The following ATRX variants were observed in gnomAD, a reference collection of about 807,000 sequenced individuals.
ATRX encodes ATRX chromatin remodeler.
Under a neutral mutation model 172.6 loss-of-function variants are expected in ATRX, and 12 were observed. That is an observed-to-expected ratio of 0.07 (90% CI 0.04 to 0.11). The LOEUF (loss-of-function observed/expected upper bound fraction) is 0.11, where lower values mean the gene tolerates loss of function less well. Among genes scored for constraint, ATRX ranks in the 10% least tolerant of loss-of-function variants. The pLI is 1.00. For missense variants in ATRX, 1,368 were observed against 1,767.4 expected, an observed-to-expected ratio of 0.77 and a Z score of 4.05; for synonymous variants, 674 against 594.7, an observed-to-expected ratio of 1.13 and a Z score of -1.94.
intron 1 of ATRX, among the ~76,000 whole-genome samples, chrX:77,774,396 G>A (rs1012023623): frequency 9.0e-6 from 1 of 111,375 alleles, no homozygotes. Context: ...GTATTGTATC[G>A]GCCGGGTGCA....
At chrX:77,521,602 CT>C (rs2063234684) in intron 32 of ATRX, 104 bp from the exon 33 acceptor site, 1 of 581,274 alleles carries the variant, frequency 1.7e-6, no homozygotes, top group Admixed American at 2.7e-5. Flanking sequence ...GGTTTTAAAA[CT>C]CTTTAAATAA....
chrX:77,669,841 G>C (rs2070459476), intron 10 of ATRX, among the ~76,000 whole-genome samples: 1 of 109,866 alleles, frequency 9.1e-6, no homozygotes, highest in African/African-American at 3.3e-5. Flanking sequence ...TGGAACTACA[G>C]GCATGTACCA....
chrX:77,564,443 T>A (rs1244110038), intron 28 of ATRX, among the ~76,000 whole-genome samples: 1 of 110,729 alleles, frequency 9.0e-6, no homozygotes, highest in African/African-American at 3.3e-5. Context: ...TGGAGTGCAA[T>A]GGCATGATCA....
chrX:77,643,286 A>ACAC, intron 15 of ATRX, among the ~76,000 whole-genome samples: 1 of 110,096 alleles, frequency 9.1e-6, no homozygotes, highest in Admixed American at 9.8e-5. Flanking sequence ...CACACACACA[A>ACAC]AACAACTGCA....
intron 11 of ATRX, among the ~76,000 whole-genome samples, chrX:77,664,026 G>A (rs893198167): frequency 1.5e-4 from 16 of 108,364 alleles, no homozygotes; most frequent in African/African-American, 5.0e-4. Flanking sequence ...GCTTGAACCC[G>A]GGAGGCAGAG....
chrX:77,635,112 T>A (rs2068284560), intron 16 of ATRX, among the ~76,000 whole-genome samples: 1 of 110,839 alleles, frequency 9.0e-6, no homozygotes, highest in East Asian at 2.8e-4. Context: ...TGAAACCCCG[T>A]CTCTACTAAA....
intron 27 of ATRX, among the ~76,000 whole-genome samples, chrX:77,583,695 A>G (rs992618689): frequency 1.7e-4 from 19 of 111,989 alleles, no homozygotes; most frequent in African/African-American, 6.2e-4. Context: ...TATCATACTA[A>G]AGAAAGAAAA....
chrX:77,671,766 CTTTTTCTTT>C (rs1348439151), intron 10 of ATRX, among the ~76,000 whole-genome samples: 1 of 110,931 alleles, frequency 9.0e-6, no homozygotes, highest in Non-Finnish European at 1.9e-5. Flanking sequence ...TCCTTTTTCT[CTTTTTCTTT>C]TTTTTCTTTT....
chrX:77,694,901 T>TG (rs45459992), intron 5 of ATRX, among the ~76,000 whole-genome samples: 993 of 27,758 alleles, frequency 0.036, 15 homozygotes, highest in South Asian at 0.14. Flanking sequence ...TCTGAAAGGG[T>TG]GGGGGGGGGG....
In ATRX at chrX:77,701,442, G is replaced by A. The variant is rs376823915; in HGVS notation, c.134-2813C>T. Among the ~76,000 whole-genome samples, 33 of 109,804 alleles carry A rather than the reference G, an allele frequency of 3.0e-4. 1 individual carries two copies. The East Asian group carries it at 3.7e-3, about 12-fold the overall frequency. On this transcript the variant is annotated intron_variant, in intron 2 of 34. Coordinates refer to ENST00000373344, the MANE Select transcript of ATRX (RefSeq NM_000489.6). ...CAGGAAAATCACTTGAATCCAGGAG[G>A]TGGAGGCTGCAGTGAGCCGAGATTG...
intron 1 of ATRX, among the ~76,000 whole-genome samples, chrX:77,740,028 G>A (rs1441773750): frequency 9.7e-5 from 9 of 93,073 alleles, no homozygotes; most frequent in African/African-American, 3.2e-4. Context: ...ACTCCAGCCT[G>A]GGGAAGAAGC....
chrX:77,684,157 T>G lies in ATRX; in HGVS notation c.1099A>C (p.Asn367His). 1 of 1,208,918 alleles carries G rather than the reference T, an allele frequency of 8.3e-7. No homozygotes were observed. The highest frequency in any genetic ancestry group is 1.7e-5 in the African/African-American group (1 of 57,723). Residue 367 changes from asparagine to histidine, a missense_variant, in exon 9 of 35, where the codon AAC becomes CAC. By Grantham distance (68) the Asn-to-His change is moderately conservative. This residue lies in a region of ATRX where 843 missense variants were observed against 643.1 expected (regional missense o/e 1.31). Coordinates refer to ENST00000373344, the MANE Select transcript of ATRX (RefSeq NM_000489.6). ...TTTAAAAATTTAACATAACTGGAGT[T>G]CATGTTGGCTGTGGTCTCAATCAGT... ...KKLIETTANM[N>H]SSYVKFLKQA...
chrX:77,525,394 A>C (rs2147774754), intron 30 of ATRX, among the ~76,000 whole-genome samples: 1 of 111,898 alleles, frequency 8.9e-6, no homozygotes, highest in African/African-American at 3.2e-5. Context: ...CAACACATAC[A>C]TGCCAAACAT....
intron 2 of ATRX, among the ~76,000 whole-genome samples, chrX:77,709,085 T>C (rs1485168912): frequency 1.8e-5 from 2 of 111,122 alleles, no homozygotes; most frequent in African/African-American, 3.3e-5. Context: ...CATGTGCCTG[T>C]AGTCTTGGCT....
rs142901513 is a variant in ATRX at position 77,654,936 on chromosome X, T to C, written c.4215-736A>G. Among the ~76,000 whole-genome samples the C allele has an allele frequency of 3.0e-3, 331 of 111,709 alleles. 2 individuals carry two copies. The highest frequency in any genetic ancestry group is 0.01 in the South Asian group (27 of 2,697). ...ATAAATTGATAAACAAAACGTGGTA[T>C]ACAATGGAACATTAAGTCTTTAAAA... On this transcript the variant is annotated intron_variant, in intron 13 of 34. Transcript: ENST00000373344.
At chrX:77,673,465 TTA>T (rs1400278067) in intron 10 of ATRX, among the ~76,000 whole-genome samples, 3 of 111,486 alleles carry the variant, frequency 2.7e-5, no homozygotes, top group Non-Finnish European at 5.7e-5. Context: ...AAATATATGA[TTA>T]GTCTACTTTT....
chrX:77,573,840 C>T (rs1031740937), intron 28 of ATRX, among the ~76,000 whole-genome samples: 7 of 111,215 alleles, frequency 6.3e-5, no homozygotes, highest in African/African-American at 9.8e-5. Context: ...TAAGTAAATA[C>T]TTATGTTCAC....
intron 34 of ATRX, among the ~76,000 whole-genome samples, chrX:77,511,302 C>T (rs2062860562): frequency 1.8e-5 from 2 of 111,651 alleles, no homozygotes; most frequent in South Asian, 7.6e-4. Flanking sequence ...CAATATCCAA[C>T]TCCCTTTGAA....
At chrX:77,635,658 T>A (rs781935432) in intron 16 of ATRX, among the ~76,000 whole-genome samples, 26 of 112,800 alleles carry the variant, frequency 2.3e-4, no homozygotes, top group African/African-American at 8.4e-4. Context: ...GCTAATTAGG[T>A]GAAACCTACT....
Sources: gnomAD v4.1 joint callset for allele counts (sites outside exome capture counted in the v4.1 genomes callset) on GRCh38, gnomAD v4.1.1 for gene constraint, gnomAD v4.1.1 regional missense constraint, MANE v1.5 for transcripts, NCBI Gene and HGNC (gene_info 2026-07-23, HGNC 2026-07-21) for gene names.